ERBB4: variants seen among roughly 807,000 people sequenced by gnomAD.
ERBB4 encodes erb-b2 receptor tyrosine kinase 4.
In ERBB4, 42 loss-of-function variants were observed where a neutral mutation model predicts 158.0. That is an observed-to-expected ratio of 0.27 (90% CI 0.21 to 0.34). The LOEUF (loss-of-function observed/expected upper bound fraction) is 0.34, where lower values mean the gene tolerates loss of function less well. ERBB4 is among the 10% of genes least tolerant of loss of function. The pLI, the probability that ERBB4 is intolerant of heterozygous loss-of-function variation, is 1.00. For missense variants in ERBB4, 1,333 were observed against 1,624.1 expected, an observed-to-expected ratio of 0.82 and a Z score of 3.08; for synonymous variants, 583 against 558.7, an observed-to-expected ratio of 1.04 and a Z score of -0.61.
chr2:212,068,893 A>G (rs993564895), intron 2 of ERBB4, among the ~76,000 whole-genome samples: 7 of 152,052 alleles, frequency 4.6e-5, no homozygotes, highest in African/African-American at 1.7e-4. Context: ...AAGTATCTAT[A>G]CACTTTTTAT....
At chr2:211,396,928 C>T (rs1038077273) in intron 25 of ERBB4, among the ~76,000 whole-genome samples, 30 of 152,098 alleles carry the variant, frequency 2.0e-4, no homozygotes, top group Non-Finnish European at 4.3e-4. Context: ...TCTAACAGTC[C>T]ACCTGGAATT....
At chr2:211,579,375 T>A (rs2067991591) in intron 19 of ERBB4, among the ~76,000 whole-genome samples, 2 of 152,192 alleles carry the variant, frequency 1.3e-5, no homozygotes, top group Admixed American at 1.3e-4. Context: ...TCAACCATTG[T>A]GGAATATAGT....
intron 25 of ERBB4, among the ~76,000 whole-genome samples, chr2:211,412,933 A>G (rs1323714588): frequency 2.7e-5 from 4 of 146,502 alleles, no homozygotes; most frequent in African/African-American, 9.9e-5. Flanking sequence ...CAGCCTGGCA[A>G]CAGAGTGGGA....
intron 19 of ERBB4, among the ~76,000 whole-genome samples, chr2:211,575,025 T>G (rs2067848252): frequency 6.6e-6 from 1 of 152,206 alleles, no homozygotes; most frequent in Non-Finnish European, 1.5e-5. Context: ...AATTTACTGA[T>G]AGCAAGACAC....
chr2:212,086,963 T>C (rs1173579085), intron 2 of ERBB4, among the ~76,000 whole-genome samples: 2 of 152,004 alleles, frequency 1.3e-5, no homozygotes, highest in Non-Finnish European at 2.9e-5. Context: ...ATAGAGCCTG[T>C]TAGAGACATT....
chr2:211,985,639 G>A (rs1245642361), intron 2 of ERBB4, among the ~76,000 whole-genome samples: 1 of 151,860 alleles, frequency 6.6e-6, no homozygotes, highest in African/African-American at 2.4e-5. Flanking sequence ...TGTCTCTTAT[G>A]TATTAGAAGG....
chr2:212,340,011 AT>A (rs1488077178), intron 1 of ERBB4, among the ~76,000 whole-genome samples: 1 of 151,842 alleles, frequency 6.6e-6, no homozygotes, highest in Admixed American at 6.6e-5. Context: ...TTCAAAATGC[AT>A]TAACACTTTC....
chr2:212,288,027 A>C (rs1232852306), intron 1 of ERBB4, among the ~76,000 whole-genome samples: 2 of 152,150 alleles, frequency 1.3e-5, no homozygotes, highest in Non-Finnish European at 2.9e-5. Flanking sequence ...CTGTGTAACA[A>C]ACCTACACTT....
At chr2:212,172,010 C>T (rs2081533286) in intron 1 of ERBB4, among the ~76,000 whole-genome samples, 1 of 152,050 alleles carries the variant, frequency 6.6e-6, no homozygotes, top group South Asian at 2.1e-4. Context: ...AAAATTTTTG[C>T]AATCTGTCCA....
intron 1 of ERBB4, among the ~76,000 whole-genome samples, chr2:212,443,399 C>T (rs949273789): frequency 6.6e-6 from 1 of 152,322 alleles, no homozygotes; most frequent in East Asian, 1.9e-4. Context: ...GACCTTCCAA[C>T]TTCGTAAAAT....
intron 1 of ERBB4, among the ~76,000 whole-genome samples, chr2:212,512,159 A>C (rs541825832): frequency 6.6e-6 from 1 of 152,254 alleles, no homozygotes; most frequent in South Asian, 2.1e-4. Flanking sequence ...TTCTGCCAGC[A>C]AGGAAGAGGT....
intron 1 of ERBB4, among the ~76,000 whole-genome samples, chr2:212,232,352 A>T (rs113129470): frequency 2.0e-5 from 3 of 152,230 alleles, no homozygotes; most frequent in African/African-American, 7.2e-5. Flanking sequence ...GGAAAACAAT[A>T]AATCTACTTA....
chr2:211,531,874 A>G (rs752810300), intron 20 of ERBB4, among the ~76,000 whole-genome samples: 1 of 152,120 alleles, frequency 6.6e-6, no homozygotes, highest in African/African-American at 2.4e-5. Flanking sequence ...TTATTGCAGC[A>G]CTATTCACAA....
At chr2:211,504,555 A>G (rs753560595) in intron 20 of ERBB4, among the ~76,000 whole-genome samples, 1 of 152,124 alleles carries the variant, frequency 6.6e-6, no homozygotes, top group Non-Finnish European at 1.5e-5. Flanking sequence ...TGAAGAAACA[A>G]AATGTTGTGA....
intron 1 of ERBB4, among the ~76,000 whole-genome samples, chr2:212,535,872 TA>T (rs916460138): frequency 1.3e-5 from 2 of 152,236 alleles, no homozygotes; most frequent in Non-Finnish European, 2.9e-5. Flanking sequence ...TCCCCCGCCC[TA>T]TATTTTTATT....
chr2:212,417,450 A>C (rs562165322), intron 1 of ERBB4, among the ~76,000 whole-genome samples: 21 of 152,054 alleles, frequency 1.4e-4, no homozygotes, highest in Non-Finnish European at 2.4e-4. Flanking sequence ...CTGACATTAC[A>C]CTAATAACAA....
At chr2:212,067,040 T>C (rs1415747624) in intron 2 of ERBB4, among the ~76,000 whole-genome samples, 1 of 152,050 alleles carries the variant, frequency 6.6e-6, no homozygotes, top group East Asian at 1.9e-4. Flanking sequence ...GTTCTTTCAT[T>C]GTTTTGTTTT....
rs1358532653 is a variant in ERBB4 at position 211,583,461 on chromosome 2, T to A, written c.2302-21373A>T. On this transcript the variant is annotated intron_variant, in intron 19 of 27. Transcript: ENST00000342788. ...TTAATAGTTATTAAAATATCATGAG[T>A]AAGTTATTTATATTCCCAAGATTTT... 2.6e-5 allele frequency among the ~76,000 whole-genome samples: 4 copies of A among 151,920 alleles called. No individual in the cohort carries two copies. In the East Asian group the frequency reaches 7.7e-4, roughly 29 times the overall value.
At chr2:211,839,152 A>AAGAAGG (rs1553642902) in intron 3 of ERBB4, among the ~76,000 whole-genome samples, 1 of 110,906 alleles carries the variant, frequency 9.0e-6, no homozygotes, top group Admixed American at 9.9e-5. Flanking sequence ...GGAGAGAGAG[A>AAGAAGG]AGGAGGAGGA....
Sources: gnomAD v4.1 joint callset for allele counts (sites outside exome capture counted in the v4.1 genomes callset) on GRCh38, gnomAD v4.1.1 for gene constraint, MANE v1.5 for transcripts, NCBI Gene and HGNC (gene_info 2026-07-23, HGNC 2026-07-21) for gene names.